The following CCAR1 variants were observed in gnomAD, a reference collection of about 807,000 sequenced individuals.
The protein encoded by CCAR1 is cell division cycle and apoptosis regulator protein 1.
A neutral mutation model predicts 163.8 loss-of-function variants in CCAR1; 78 were observed. The ratio of observed to expected loss-of-function variants is 0.48; its 90% CI spans 0.40 to 0.57. The LOEUF (loss-of-function observed/expected upper bound fraction) is 0.57, where lower values mean the gene tolerates loss of function less well. CCAR1 is among the 20% of genes least tolerant of loss of function. The probability of loss-of-function intolerance (pLI) is 0.00; values close to 1 mark genes in which losing one functional copy is unlikely to be tolerated. For missense variants in CCAR1, 1,019 were observed against 1,365.2 expected (o/e 0.75, Z 4.00); for synonymous variants, 443 against 460.7 (o/e 0.96, Z 0.49).
intron 19 of CCAR1, among the ~76,000 whole-genome samples, chr10:68,781,053 G>A (rs565178265): frequency 5.3e-5 from 8 of 151,308 alleles, no homozygotes; most frequent in Non-Finnish European, 7.4e-5. Context: ...CCAACATGGC[G>A]AAACCCTGTC....
rs371444991 is a variant in CCAR1, at chr10:68,735,295, G to T, written c.74-1581G>T. Among the ~76,000 whole-genome samples the T allele has an allele frequency of 2.0e-4, 30 of 151,776 alleles. No homozygotes were observed. In the East Asian group the frequency reaches 2.1e-3, roughly 11 times the overall value. ...CCTGGGGAGGTCGAGGCGTCCATAA[G>T]CTGTGATTGCACAACTGCACTTCAG... On this transcript the variant is annotated intron_variant, in intron 2 of 24. Transcript: ENST00000265872.
intron 24 of CCAR1, among the ~76,000 whole-genome samples, 190 bp from the exon 25 acceptor site, chr10:68,791,017 C>T (rs2056846814): frequency 6.6e-6 from 1 of 152,024 alleles, no homozygotes; most frequent in South Asian, 2.1e-4. Flanking sequence ...CATTTTTAGA[C>T]CCCATTTATT....
chr10:68,737,052 A>C lies in CCAR1; in HGVS notation c.246+4A>C. Reference sequence around the variant, plus strand: ...TGCAGCAGCTGCATTACAACAGGTAAATCTTTAATATGTCTTATTATTTGA... The same window carrying C: ...TGCAGCAGCTGCATTACAACAGGTACATCTTTAATATGTCTTATTATTTGA... On this transcript the variant is annotated splice_donor_region_variant and intron_variant, in intron 3 of 24. Transcript: ENST00000265872. 6.2e-7 allele frequency: 1 copy of C among 1,604,152 alleles called. No individual in the cohort carries two copies.
intron 19 of CCAR1, among the ~76,000 whole-genome samples, chr10:68,777,313 A>G (rs968693876): frequency 1.5e-4 from 23 of 152,196 alleles, no homozygotes; most frequent in African/African-American, 5.5e-4. Flanking sequence ...TGATCTTCGC[A>G]AAATTTAGAA....
intron 14 of CCAR1, among the ~76,000 whole-genome samples, chr10:68,757,021 C>T (rs2056403605): frequency 6.6e-6 from 1 of 152,082 alleles, no homozygotes; most frequent in Admixed American, 6.6e-5. Context: ...TTGTGGAGAC[C>T]GGCAGTGTTT....
intron 19 of CCAR1, among the ~76,000 whole-genome samples, chr10:68,777,293 A>G (rs1457913126): frequency 2.0e-5 from 3 of 152,296 alleles, no homozygotes; most frequent in South Asian, 2.1e-4. Context: ...TCTCAATACA[A>G]TTGCCAGAAT....
In CCAR1 at chr10:68,733,724, G is replaced by T. The variant is rs1338152198; in HGVS notation, c.74-3152G>T. Among the ~76,000 whole-genome samples the T allele has an allele frequency of 2.0e-5, 3 of 152,054 alleles. No homozygotes were observed. In the East Asian group the frequency reaches 5.8e-4, roughly 29 times the overall value. On this transcript the variant is annotated intron_variant, in intron 2 of 24. Coordinates refer to ENST00000265872, the MANE Select transcript of CCAR1 (RefSeq NM_018237.4). Reference sequence around the variant, plus strand: ...CCTGCTTTGTCACTCAGGCTGGAGTGCAGTGGCGCGACCTTGGCTTACTAT... The same window carrying T: ...CCTGCTTTGTCACTCAGGCTGGAGTTCAGTGGCGCGACCTTGGCTTACTAT...
chr10:68,733,255 T>A (rs879848319), intron 2 of CCAR1, among the ~76,000 whole-genome samples: 4 of 149,906 alleles, frequency 2.7e-5, no homozygotes, highest in Non-Finnish European at 5.9e-5. Context: ...ACAGAAACTA[T>A]CAAAAATTAG....
rs11269836 is a variant in CCAR1 at position 68,758,617 on chromosome 10, A to G, written c.1920+1240A>G. 9.1e-3 allele frequency among the ~76,000 whole-genome samples: 764 copies of G among 84,272 alleles called. 14 individuals are homozygous for G. The highest frequency in any genetic ancestry group is 0.029 in the African/African-American group (518 of 18,080). 55.3% of individuals were successfully genotyped at this position (84,272 alleles called of 152,430 possible). On this transcript the variant is annotated intron_variant, in intron 15 of 24. Transcript: ENST00000265872. The stretch of plus-strand genomic sequence containing the variant: ...CACACACATATATATACGTGTGTGT[A>G]TATATATATATATGTATATATACAC...
chr10:68,732,551 G>GCTATA (rs1305506357), intron 2 of CCAR1, among the ~76,000 whole-genome samples: 2,332 of 152,148 alleles, frequency 0.015, 62 homozygotes, highest in African/African-American at 0.053. Flanking sequence ...GTTTCACCGT[G>GCTATA]TTGGCCAGGC....
chr10:68,768,978 G>A (rs2056567512), intron 17 of CCAR1, among the ~76,000 whole-genome samples: 1 of 152,146 alleles, frequency 6.6e-6, no homozygotes. Flanking sequence ...ACCATTTCAA[G>A]TTTTAACCCT....
chr10:68,748,020 A>G (rs2056279786), intron 8 of CCAR1, among the ~76,000 whole-genome samples: 1 of 151,934 alleles, frequency 6.6e-6, no homozygotes, highest in South Asian at 2.1e-4. Context: ...TGCCCGGCAA[A>G]TTTTTGTATT....
intron 2 of CCAR1, among the ~76,000 whole-genome samples, chr10:68,734,958 C>T (rs945720834): frequency 1.3e-5 from 2 of 152,174 alleles, no homozygotes; most frequent in African/African-American, 4.8e-5. Context: ...TTTTGAGCCC[C>T]TCTCCCCAAT....
intron 10 of CCAR1, among the ~76,000 whole-genome samples, chr10:68,752,688 A>G (rs1209243550): frequency 6.6e-6 from 1 of 152,174 alleles, no homozygotes; most frequent in Non-Finnish European, 1.5e-5. Flanking sequence ...CTAGGCATAT[A>G]GTGAGACCTC....
chr10:68,760,039 C>A (rs914657616), intron 15 of CCAR1, among the ~76,000 whole-genome samples: 1 of 151,900 alleles, frequency 6.6e-6, no homozygotes, highest in African/African-American at 2.4e-5. Flanking sequence ...GCTATGTTCC[C>A]CATGCTGATT....
chr10:68,781,534 C>G (rs1260733391), intron 19 of CCAR1, among the ~76,000 whole-genome samples: 1 of 148,918 alleles, frequency 6.7e-6, no homozygotes, highest in Non-Finnish European at 1.5e-5. Context: ...AGCAAGACTC[C>G]GTCTCCAAAG....
intron 19 of CCAR1, among the ~76,000 whole-genome samples, chr10:68,776,562 G>A (rs2894068): frequency 0.1 from 15,142 of 152,030 alleles, 943 homozygotes; most frequent in South Asian, 0.16. Context: ...GCAAAACTCC[G>A]TCTGTAAAAA....
At chr10:68,779,969 AAAT>A (rs1243653749) in intron 19 of CCAR1, among the ~76,000 whole-genome samples, 3 of 152,162 alleles carry the variant, frequency 2.0e-5, no homozygotes, top group Non-Finnish European at 4.4e-5. Context: ...TATGGGGAAA[AAAT>A]AGGACATGAT....
chr10:68,754,070 G>A lies in CCAR1; in HGVS notation c.1337G>A (p.Ser446Asn), dbSNP rs1308963572. The A allele has an allele frequency of 3.1e-6, 5 of 1,606,484 alleles. No individual in the cohort carries two copies. Among genetic ancestry groups the A allele is most frequent in the African/African-American group, 1.3e-5 (1 of 74,682 alleles). The stretch of plus-strand genomic sequence containing the variant: ...CCACCAGATGCTGACCACTTATACA[G>A]TGCAAAGGTTTGTATTCAGCTGTGA... ...LDPPDADHLY[S>N]AKVMLMASPS... is the part of the protein sequence containing the mutation. The change falls in exon 11 of 25, where the codon AGT becomes AAT. Residue 446 changes from serine (S) to asparagine (N), a missense_variant. Physicochemically the swap from Ser to Asn is conservative, Grantham distance 46. Around this residue, in one of 4 missense-constraint regions of CCAR1, gnomAD observed 644 missense variants for 904.4 expected, o/e 0.71. Coordinates refer to ENST00000265872, the MANE Select transcript of CCAR1 (RefSeq NM_018237.4).
Sources: gnomAD v4.1 joint callset for allele counts (sites outside exome capture counted in the v4.1 genomes callset) on GRCh38, gnomAD v4.1.1 for gene constraint, gnomAD v4.1.1 regional missense constraint, MANE v1.5 for transcripts, NCBI Gene and HGNC (gene_info 2026-07-23, HGNC 2026-07-21) for gene names.